Variants in TMEM132D observed in about 807,000 individuals in gnomAD.
TMEM132D encodes the protein transmembrane protein 132D, also known as mature OL transmembrane protein.
A neutral mutation model predicts 62.3 loss-of-function variants in TMEM132D; 21 were observed. That is an observed-to-expected ratio of 0.34 (90% CI 0.24 to 0.49). The LOEUF is 0.49. Among genes scored for constraint, TMEM132D ranks in the 20% least tolerant of loss-of-function variants. TMEM132D has a pLI of 0.99. For missense variants in TMEM132D, 1,346 were observed against 1,402.8 expected (o/e 0.96, Z 0.65); for synonymous variants, 621 against 575.6 (o/e 1.08, Z -1.13).
intron 5 of TMEM132D, among the ~76,000 whole-genome samples, chr12:129,208,298 A>G (rs906792320): frequency 1.3e-5 from 2 of 152,166 alleles, no homozygotes; most frequent in African/African-American, 4.8e-5. Flanking sequence ...GAGAAATGTA[A>G]GATGAGCCTA....
At chr12:129,265,193 G>T (rs565734913) in intron 4 of TMEM132D, among the ~76,000 whole-genome samples, 2 of 152,186 alleles carry the variant, frequency 1.3e-5, no homozygotes, top group Admixed American at 6.5e-5. Context: ...GGGATGTCAG[G>T]CTTCCATGGA....
rs369381205 is a variant in TMEM132D at position 129,237,937 on chromosome 12, C to T, written c.1300-28274G>A. Among the ~76,000 whole-genome samples the T allele has an allele frequency of 6.0e-4, 92 of 152,280 alleles. No individual in the cohort carries two copies. In the Middle Eastern group the frequency reaches 0.01, roughly 17 times the overall value. On this transcript the variant is annotated intron_variant, in intron 4 of 8. Coordinates refer to ENST00000422113, the MANE Select transcript of TMEM132D (RefSeq NM_133448.3). The stretch of plus-strand genomic sequence containing the variant: ...AAATGTGCATCCTGATGTGGTTCAA[C>T]GGAGTATTCTAAATATGTGAATCAG...
chr12:129,815,677 T>C (rs1461039758), intron 1 of TMEM132D, among the ~76,000 whole-genome samples: 1 of 152,230 alleles, frequency 6.6e-6, no homozygotes, highest in Non-Finnish European at 1.5e-5. Flanking sequence ...GGGGGATCTG[T>C]GTTGCTGTCT....
intron 3 of TMEM132D, among the ~76,000 whole-genome samples, chr12:129,509,361 AG>A (rs1159374221): frequency 4.6e-5 from 7 of 152,300 alleles, no homozygotes; most frequent in African/African-American, 1.2e-4. Context: ...GGTACATACT[AG>A]GTATATATGT....
At chr12:129,114,868 T>A (rs1251058268) in intron 5 of TMEM132D, among the ~76,000 whole-genome samples, 1 of 152,252 alleles carries the variant, frequency 6.6e-6, no homozygotes, top group Non-Finnish European at 1.5e-5. Flanking sequence ...TTCCTTCTTG[T>A]TGCTGGATAG....
intron 4 of TMEM132D, among the ~76,000 whole-genome samples, chr12:129,282,519 GA>G (rs1881185361): frequency 6.6e-6 from 1 of 152,118 alleles, no homozygotes; most frequent in Non-Finnish European, 1.5e-5. Flanking sequence ...ACTAAAAACC[GA>G]AGACCAGGTG....
chr12:129,635,626 G>T (rs568002833), intron 2 of TMEM132D, among the ~76,000 whole-genome samples: 12 of 152,258 alleles, frequency 7.9e-5, no homozygotes, highest in African/African-American at 2.4e-4. Flanking sequence ...ATTTGATGGT[G>T]GAGTGCTCTC....
At chr12:129,302,806 G>A (rs1280153907) in intron 4 of TMEM132D, among the ~76,000 whole-genome samples, 2 of 152,204 alleles carry the variant, frequency 1.3e-5, no homozygotes, top group African/African-American at 4.8e-5. Context: ...CGAGCTCAAA[G>A]TCATTGGGAG....
intron 5 of TMEM132D, among the ~76,000 whole-genome samples, chr12:129,134,497 G>C (rs890281580): frequency 6.6e-6 from 1 of 152,112 alleles, no homozygotes; most frequent in Non-Finnish European, 1.5e-5. Context: ...CATTGACCTC[G>C]ATGGGGGTGG....
chr12:129,871,029 G>A (rs1874223370), intron 1 of TMEM132D, among the ~76,000 whole-genome samples: 1 of 152,120 alleles, frequency 6.6e-6, no homozygotes, highest in African/African-American at 2.4e-5. Flanking sequence ...TGCTAATGAG[G>A]CTTCTGTCCC....
chr12:129,655,144 TC>T (rs1302136584), intron 2 of TMEM132D, among the ~76,000 whole-genome samples: 1 of 151,988 alleles, frequency 6.6e-6, no homozygotes, highest in Non-Finnish European at 1.5e-5. Context: ...AGATGGGGTT[TC>T]ACCATGTTGG....
rs955236329 is a variant in TMEM132D, at chr12:129,368,417, T to C, written c.1116-30600A>G. Among the ~76,000 whole-genome samples the C allele has an allele frequency of 3.9e-5, 6 of 152,192 alleles. No individual in the cohort carries two copies. The East Asian group carries it at 1.2e-3, about 29-fold the overall frequency. On this transcript the variant is annotated intron_variant, in intron 3 of 8. Transcript: ENST00000422113. ...AAACTGTGTCCTATAACCACGTCTT[T>C]TGCATTACCATTCTGTTCATTTGTT...
intron 3 of TMEM132D, among the ~76,000 whole-genome samples, chr12:129,517,480 G>A (rs2137078432): frequency 6.6e-6 from 1 of 152,248 alleles, no homozygotes; most frequent in African/African-American, 2.4e-5. Flanking sequence ...AAGGGGGTGA[G>A]GAAGACAGAG....
chr12:129,131,991 A>G (rs1397460847), intron 5 of TMEM132D, among the ~76,000 whole-genome samples: 1 of 152,232 alleles, frequency 6.6e-6, no homozygotes, highest in Non-Finnish European at 1.5e-5. Flanking sequence ...TAAACTGATG[A>G]AAACAAGACT....
chr12:129,293,646 A>C (rs895830904), intron 4 of TMEM132D, among the ~76,000 whole-genome samples: 1 of 152,256 alleles, frequency 6.6e-6, no homozygotes, highest in Non-Finnish European at 1.5e-5. Context: ...GGAGACAGTA[A>C]CAGATCATCA....
intron 3 of TMEM132D, among the ~76,000 whole-genome samples, chr12:129,423,626 A>C (rs752808361): frequency 1.4e-4 from 22 of 152,210 alleles, no homozygotes; most frequent in Non-Finnish European, 2.8e-4. Flanking sequence ...GATGCTGTTC[A>C]GGTAGGCATT....
intron 3 of TMEM132D, among the ~76,000 whole-genome samples, chr12:129,493,637 G>A (rs1452828994): frequency 6.6e-6 from 1 of 152,208 alleles, no homozygotes; most frequent in East Asian, 1.9e-4. Flanking sequence ...CTGCCATATA[G>A]ATGGACTGGT....
intron 4 of TMEM132D, among the ~76,000 whole-genome samples, chr12:129,279,549 AT>A (rs200148903): frequency 0.036 from 5,388 of 148,088 alleles, 94 homozygotes; most frequent in African/African-American, 0.051. Context: ...CCTTAACTTG[AT>A]TTTTTTTTTT....
At chr12:129,188,524 G>A (rs1056569119) in intron 5 of TMEM132D, among the ~76,000 whole-genome samples, 1 of 152,178 alleles carries the variant, frequency 6.6e-6, no homozygotes, top group Admixed American at 6.5e-5. Context: ...TGGCATGCTG[G>A]CTTCATGTGC....
Sources: allele counts gnomAD v4.1 joint callset (sites outside exome capture counted in the v4.1 genomes callset), GRCh38; gene constraint gnomAD v4.1.1; transcripts MANE v1.5; gene names NCBI Gene and HGNC (gene_info 2026-07-23, HGNC 2026-07-21).